The following ZMIZ1 variants were observed in gnomAD, a reference collection of about 807,000 sequenced individuals.
ZMIZ1 encodes the protein zinc finger MIZ domain-containing protein 1.
Under a neutral mutation model 113.9 loss-of-function variants are expected in ZMIZ1, and 17 were observed. The ratio of observed to expected loss-of-function variants is 0.15; its 90% CI spans 0.10 to 0.22. The LOEUF (loss-of-function observed/expected upper bound fraction) is 0.22, where lower values mean the gene tolerates loss of function less well. Ranked by LOEUF, ZMIZ1 falls within the 10% of genes least tolerant of loss-of-function variation. The pLI, the probability that ZMIZ1 is intolerant of heterozygous loss-of-function variation, is 1.00. For synonymous variants in ZMIZ1, 607 were observed against 603.1 expected (o/e 1.01, Z -0.09); for missense variants, 1,059 against 1,477.8 (o/e 0.72, Z 4.65).
chr10:79,180,186 C>T (rs932847691), intron 4 of ZMIZ1, among the ~76,000 whole-genome samples: 3 of 152,138 alleles, frequency 2.0e-5, no homozygotes, highest in South Asian at 2.1e-4. Context: ...GGGGGCCTCT[C>T]GAGAGGCATG....
intron 7 of ZMIZ1, among the ~76,000 whole-genome samples, chr10:79,223,001 C>G (rs1324986538): frequency 6.6e-6 from 1 of 152,244 alleles, no homozygotes; most frequent in Non-Finnish European, 1.5e-5. Flanking sequence ...GGTGGACTCT[C>G]AGACCCCGTG....
intron 7 of ZMIZ1, among the ~76,000 whole-genome samples, chr10:79,259,682 C>G (rs1851143011): frequency 6.7e-6 from 1 of 149,832 alleles, no homozygotes; most frequent in African/African-American, 2.5e-5. Flanking sequence ...GTGGTGCAAT[C>G]TCAGCTCACT....
intron 1 of ZMIZ1, among the ~76,000 whole-genome samples, chr10:79,070,812 C>T (rs1842249680): frequency 6.6e-6 from 1 of 152,082 alleles, no homozygotes; most frequent in Non-Finnish European, 1.5e-5. Context: ...GCCCGAGTAA[C>T]TGGGGCTTTG....
chr10:79,221,885 G>A (rs1380322879), intron 7 of ZMIZ1, among the ~76,000 whole-genome samples: 2 of 152,374 alleles, frequency 1.3e-5, no homozygotes, highest in East Asian at 1.9e-4. Context: ...CTGCCTTCTC[G>A]CGCCCTTCCT....
chr10:79,175,602 G>C (rs933248498), intron 4 of ZMIZ1, among the ~76,000 whole-genome samples: 1 of 113,752 alleles, frequency 8.8e-6, no homozygotes, highest in East Asian at 4.0e-4. Context: ...GTGTGTGTGT[G>C]TGTGTGTGTG....
chr10:79,166,299 C>CACA (rs1254539543), intron 4 of ZMIZ1, among the ~76,000 whole-genome samples: 1 of 152,248 alleles, frequency 6.6e-6, no homozygotes, highest in African/African-American at 2.4e-5. Context: ...CAGGGCTCTG[C>CACA]ACAACAGAGG....
Position 79,069,033 on chromosome 10 carries a change from G to T in ZMIZ1, c.-574G>T. The T allele has an allele frequency of 6.6e-6, 1 of 151,622 alleles. No homozygotes were observed. The highest frequency in any genetic ancestry group is 1.8e-4 in the South Asian group (1 of 5,630). The allele number at this position is 151,622 out of a possible 1,614,324, so 9.4% of individuals were successfully genotyped here. ...GGACATTAAAAAAGCGAGCGGCGGC[G>T]GCGGGCGCCGGGGAGAGCGGGCGGC... On this transcript the variant is annotated 5_prime_UTR_variant, in exon 1 of 25. Transcript: ENST00000334512. The surrounding 1 kb of genome is among the most constrained non-coding windows in gnomAD (Gnocchi z 4.6).
intron 7 of ZMIZ1, among the ~76,000 whole-genome samples, chr10:79,257,383 G>T (rs1011976912): frequency 6.6e-6 from 1 of 152,214 alleles, no homozygotes; most frequent in Non-Finnish European, 1.5e-5. Context: ...GTGCTGTCCT[G>T]GTTGCTCTGC....
At chr10:79,245,690 G>A (rs905841284) in intron 7 of ZMIZ1, among the ~76,000 whole-genome samples, 6 of 152,230 alleles carry the variant, frequency 3.9e-5, no homozygotes, top group South Asian at 2.1e-4. Flanking sequence ...AGTCCTGCCC[G>A]GGGCTTCCTG....
intron 4 of ZMIZ1, among the ~76,000 whole-genome samples, chr10:79,181,642 C>G (rs147309125): frequency 6.6e-6 from 1 of 152,238 alleles, no homozygotes; most frequent in Non-Finnish European, 1.5e-5. Flanking sequence ...TTGCTGTCCT[C>G]TAGGCCCTGG....
chr10:79,189,414 G>A (rs1385932396), intron 4 of ZMIZ1, among the ~76,000 whole-genome samples: 2 of 152,344 alleles, frequency 1.3e-5, no homozygotes, highest in African/African-American at 2.4e-5. Context: ...GCACTCTAGA[G>A]AGTGAATGTT....
At chr10:79,078,570 C>CTTTT (rs34178865) in intron 1 of ZMIZ1, among the ~76,000 whole-genome samples, 1,276 of 87,718 alleles carry the variant, frequency 0.015, 43 homozygotes, top group African/African-American at 0.035. Context: ...CCACCCCCGA[C>CTTTT]TTTTTTTTTT....
intron 12 of ZMIZ1, chr10:79,294,818 G>C (rs1853762051): frequency 6.6e-6 from 1 of 152,170 alleles, no homozygotes; most frequent in South Asian, 2.1e-4. Context: ...GTTCACAGCG[G>C]CTTTAGATTC....
At chr10:79,198,388 T>G (rs1047058556) in intron 4 of ZMIZ1, among the ~76,000 whole-genome samples, 2 of 145,256 alleles carry the variant, frequency 1.4e-5, no homozygotes, top group Admixed American at 1.4e-4. Flanking sequence ...TATTGTTACT[T>G]ATTTATTTTT....
intron 23 of ZMIZ1, 136 bp from the exon 24 acceptor site, chr10:79,310,788 G>T: frequency 9.9e-7 from 1 of 1,008,320 alleles, no homozygotes; most frequent in South Asian, 1.7e-5. Flanking sequence ...CAGAAACAAC[G>T]TTCAGCCTCG....
chr10:79,132,350 C>T (rs976110779), intron 2 of ZMIZ1, among the ~76,000 whole-genome samples: 7 of 83,378 alleles, frequency 8.4e-5, no homozygotes, highest in African/African-American at 2.5e-4. Flanking sequence ...GATCACCAGC[C>T]TTTTCGGCCG....
rs545179298 is a variant in ZMIZ1 at position 79,306,300 on chromosome 10, C to G, written c.2624C>G (p.Pro875Arg). The G allele has an allele frequency of 6.2e-7, 1 of 1,613,310 alleles. No homozygotes were observed. The highest frequency in any genetic ancestry group is 1.7e-5 in the Admixed American group (1 of 60,020). Residue 875 changes from proline to arginine, a missense_variant, in exon 22 of 25, where the codon CCG becomes CGG. Around this residue, in one of 6 missense-constraint regions of ZMIZ1, gnomAD observed 225 missense variants for 276.0 expected, o/e 0.82. Coordinates refer to ENST00000334512, the MANE Select transcript of ZMIZ1 (RefSeq NM_020338.4). The stretch of plus-strand genomic sequence containing the variant: ...CCCGGCCCGTCCCCCTATCCCCTCC[C>G]GCCTCCCCCAGGGGGCACCAACTCC... Reference protein sequence around the residue: ...LGPGPSPYPLPPPPGGTNSND... With the variant: ...LGPGPSPYPLRPPPGGTNSND...
At chr10:79,271,819 T>A (rs896646752) in intron 7 of ZMIZ1, among the ~76,000 whole-genome samples, 1 of 152,176 alleles carries the variant, frequency 6.6e-6, no homozygotes, top group African/African-American at 2.4e-5. Context: ...GCCTGGAGCC[T>A]GCTGGGCAGA....
intron 3 of ZMIZ1, among the ~76,000 whole-genome samples, chr10:79,156,976 C>T (rs992852561): frequency 6.7e-5 from 10 of 149,658 alleles, no homozygotes; most frequent in Non-Finnish European, 3.0e-5. Context: ...ATTATGCAAG[C>T]GAAAAGAAAC....
Sources: gnomAD v4.1 joint callset for allele counts (sites outside exome capture counted in the v4.1 genomes callset) on GRCh38, gnomAD v4.1.1 for gene constraint, gnomAD v4.1.1 regional missense constraint, Gnocchi (gnomAD v3.1) non-coding constraint, MANE v1.5 for transcripts, NCBI Gene and HGNC (gene_info 2026-07-23, HGNC 2026-07-21) for gene names.